The following CD99 variants were observed in gnomAD, a reference collection of about 807,000 sequenced individuals.
The protein encoded by CD99 is CD99 molecule (Xg blood group).
CD99 carries 19 observed loss-of-function variants against 28.4 expected under a neutral mutation model. The observed-to-expected ratio is 0.67, with a 90% CI of 0.47 to 0.98. The LOEUF (loss-of-function observed/expected upper bound fraction) is 0.98, where lower values mean the gene tolerates loss of function less well. Among genes scored for constraint, CD99 ranks in the 50% least tolerant of loss-of-function variants. CD99 has a pLI of 0.00. For missense variants in CD99, 283 were observed against 248.8 expected (o/e 1.14, Z -0.92); for synonymous variants, 103 against 92.1 (o/e 1.12, Z -0.67).
chrX:2,695,799 A>C (rs1468157549), intron 1 of CD99, among the ~76,000 whole-genome samples: 1 of 151,814 alleles, frequency 6.6e-6, no homozygotes, highest in Non-Finnish European at 1.5e-5. Flanking sequence ...ACACCTGGCT[A>C]TTTTTTGTAT....
chrX:2,695,417 C>G (rs960157821), intron 1 of CD99, among the ~76,000 whole-genome samples: 62 of 151,952 alleles, frequency 4.1e-4, no homozygotes, highest in African/African-American at 1.4e-3. Flanking sequence ...GTTGACCAGG[C>G]TGAAAAATAT....
chrX:2,739,767 A>G (rs2050112539), intron 9 of CD99, among the ~76,000 whole-genome samples: 1 of 150,966 alleles, frequency 6.6e-6, no homozygotes, highest in South Asian at 2.1e-4. Flanking sequence ...CATTTTAAAG[A>G]TAGAGACTTC....
intron 1 of CD99, among the ~76,000 whole-genome samples, chrX:2,694,532 C>T (rs1271531117): frequency 6.6e-6 from 1 of 151,954 alleles, no homozygotes; most frequent in Non-Finnish European, 1.5e-5. Flanking sequence ...GCCGGTGGGT[C>T]ACATGAGGCC....
intron 8 of CD99, among the ~76,000 whole-genome samples, chrX:2,730,802 A>G (rs973569270): frequency 6.6e-6 from 1 of 152,008 alleles, no homozygotes; most frequent in African/African-American, 2.4e-5. Flanking sequence ...GATGGTGGGC[A>G]CCTGTAATAT....
At chrX:2,699,403 C>T (rs767045314) in intron 1 of CD99, among the ~76,000 whole-genome samples, 35 of 150,498 alleles carry the variant, frequency 2.3e-4, no homozygotes, top group Non-Finnish European at 8.8e-5. Flanking sequence ...CTCCTGACGT[C>T]GTGATCTGCC....
intron 1 of CD99, among the ~76,000 whole-genome samples, chrX:2,700,462 G>A (rs28634657): frequency 0.036 from 5,275 of 147,628 alleles, 320 homozygotes; most frequent in African/African-American, 0.13. Flanking sequence ...CCATCCGTTC[G>A]TCCATCCATC....
At chrX:2,696,652 C>T (rs2047591173) in intron 1 of CD99, among the ~76,000 whole-genome samples, 3 of 152,184 alleles carry the variant, frequency 2.0e-5, no homozygotes, top group Admixed American at 6.5e-5. Flanking sequence ...ATCCGCCCGC[C>T]TCGGCCTCCT....
chrX:2,729,505 C>G (rs1272315005), intron 8 of CD99, among the ~76,000 whole-genome samples: 1 of 152,094 alleles, frequency 6.6e-6, no homozygotes, highest in Non-Finnish European at 1.5e-5. Flanking sequence ...ATGGGGGAAC[C>G]TTCGCTATGG....
chrX:2,706,131 G>A (rs1421816418), intron 1 of CD99, among the ~76,000 whole-genome samples: 7 of 151,592 alleles, frequency 4.6e-5, no homozygotes, highest in African/African-American at 9.7e-5. Flanking sequence ...AGGCCGAGGC[G>A]GGCGGATCAC....
intron 8 of CD99, among the ~76,000 whole-genome samples, chrX:2,736,884 TAAATA>T (rs1210455752): frequency 1.3e-5 from 2 of 150,810 alleles, no homozygotes; most frequent in Non-Finnish European, 2.9e-5. Context: ...AATAAATAAA[TAAATA>T]AATAAATAAA....
intron 1 of CD99, among the ~76,000 whole-genome samples, chrX:2,707,426 G>A (rs1169861397): frequency 6.6e-6 from 1 of 152,198 alleles, no homozygotes; most frequent in African/African-American, 2.4e-5. Context: ...TCCTGCATTA[G>A]TGCAAGCCTT....
intron 1 of CD99, among the ~76,000 whole-genome samples, chrX:2,706,606 G>A (rs1295102021): frequency 2.0e-5 from 3 of 152,120 alleles, no homozygotes; most frequent in Admixed American, 6.5e-5. Flanking sequence ...TGAGTGAATT[G>A]GACATTTTTC....
intron 1 of CD99, among the ~76,000 whole-genome samples, chrX:2,704,168 C>CA (rs1751587015): frequency 6.6e-6 from 1 of 152,222 alleles, no homozygotes; most frequent in Admixed American, 6.5e-5. Context: ...CCAGCCCAAA[C>CA]ATTCACACCA....
At chrX:2,693,586 A>T (rs1384126212) in intron 1 of CD99, among the ~76,000 whole-genome samples, 1 of 152,172 alleles carries the variant, frequency 6.6e-6, no homozygotes, top group African/African-American at 2.4e-5. Context: ...ACACTTTCTT[A>T]TAGCAACGTG....
At chrX:2,706,142 G>A (rs1444367784) in intron 1 of CD99, among the ~76,000 whole-genome samples, 7 of 151,818 alleles carry the variant, frequency 4.6e-5, no homozygotes, top group Non-Finnish European at 8.8e-5. Context: ...GGCGGATCAC[G>A]AGTTCAGGAG....
chrX:2,713,567 G>A (rs1240362820), intron 1 of CD99, among the ~76,000 whole-genome samples: 1 of 152,166 alleles, frequency 6.6e-6, no homozygotes, highest in Non-Finnish European at 1.5e-5. Flanking sequence ...TGTGACATAT[G>A]CATGCACGCT....
In CD99 at chrX:2,726,347, A is replaced by G. The variant is rs778304874; in HGVS notation, c.449A>G (p.Lys150Arg). The change falls in exon 8 of 10, where the codon AAA becomes AGA. Residue 150 changes from lysine to arginine, a missense_variant. Coordinates refer to ENST00000381192, the MANE Select transcript of CD99 (RefSeq NM_002414.5). The part of the protein sequence containing the change: ...GAISSFIAYQ[K>R]KKLCFKENAE... ...ATCTCTAGCTTCATTGCTTACCAGA[A>G]AAAGAAGCTATGCTTCAAAGAAAAT... The G allele has an allele frequency of 4.3e-6, 7 of 1,609,816 alleles. No homozygotes were observed. The highest frequency in any genetic ancestry group is 3.3e-5 in the South Asian group (3 of 90,950).
At position 2,714,405 on chromosome X, in the gene CD99, CTT is replaced by C. The variant is rs763370326; in HGVS notation, c.68-11_68-10del. The C allele has an allele frequency of 8.9e-6, 14 of 1,565,554 alleles. No homozygotes were observed. The highest frequency in any genetic ancestry group is 1.3e-5 in the African/African-American group (1 of 74,252). ...TATTTTTCTTGTTTCTAAGTTGACT[CTT>C]TTTTTCTCTCTTAGATGGTGGTTTC... On this transcript the variant is annotated splice_polypyrimidine_tract_variant and intron_variant, in intron 1 of 9. Transcript: ENST00000381192.
chrX:2,693,798 G>A (rs1330832607), intron 1 of CD99, among the ~76,000 whole-genome samples: 1 of 152,164 alleles, frequency 6.6e-6, no homozygotes, highest in Non-Finnish European at 1.5e-5. Context: ...TTTGTAGAGA[G>A]CAGGATGTCC....
Sources: gnomAD v4.1 joint callset for allele counts (sites outside exome capture counted in the v4.1 genomes callset) on GRCh38, gnomAD v4.1.1 for gene constraint, MANE v1.5 for transcripts, NCBI Gene and HGNC (gene_info 2026-07-23, HGNC 2026-07-21) for gene names.